The following ZDHHC1 variants were observed in gnomAD, a reference collection of about 807,000 sequenced individuals.
The protein encoded by ZDHHC1 is palmitoyltransferase ZDHHC1.
In ZDHHC1, 45 loss-of-function variants were observed where a neutral mutation model predicts 46.9. The ratio of observed to expected loss-of-function variants is 0.96; its 90% confidence interval spans 0.76 to 1.23. The LOEUF is 1.23. ZDHHC1 is among the 50% of genes most tolerant of loss of function. ZDHHC1 has a pLI of 0.00. For synonymous variants in ZDHHC1, 291 were observed against 286.0 expected (o/e 1.02, Z -0.18); for missense variants, 649 against 670.8 (o/e 0.97, Z 0.36).
In ZDHHC1 at chr16:67,401,267, C is replaced by A; in HGVS notation, c.253-135G>T. The stretch of plus-strand genomic sequence containing the variant: ...CTCTGCCTCTGCCACCTCCTACCTC[C>A]AGTCCCCCAAAGCCTCCTCATCAGA... On this transcript the variant is annotated intron_variant, in intron 3 of 11. Coordinates refer to ENST00000565726, the MANE Select transcript of ZDHHC1 (RefSeq NM_001323627.2). This position sits in a 1 kb window ranked among gnomAD's most constrained non-coding sequence, Gnocchi z 4.6. 8.0e-7 allele frequency: 1 copy of A among 1,254,002 alleles called. No individual in the cohort carries two copies. The highest frequency in any genetic ancestry group is 1.1e-6 in the Non-Finnish European group (1 of 920,514). The allele number at this position is 1,254,002 out of a possible 1,614,324, so 77.7% of individuals were successfully genotyped here.
At chr16:67,397,831 T>C (rs900486176) in intron 8 of ZDHHC1, among the ~76,000 whole-genome samples, 10 of 152,174 alleles carry the variant, frequency 6.6e-5, no homozygotes, top group Admixed American at 2.0e-4. Context: ...ATTAGGGTAA[T>C]GGGTATAAGC....
intron 3 of ZDHHC1, among the ~76,000 whole-genome samples, chr16:67,402,546 TTTG>T (rs769857929): frequency 4.6e-5 from 7 of 152,156 alleles, no homozygotes; most frequent in Non-Finnish European, 8.8e-5. Flanking sequence ...ACTGAGGTCT[TTTG>T]TTGTGACAGG....
intron 1 of ZDHHC1, among the ~76,000 whole-genome samples, chr16:67,413,711 G>C (rs914592289): frequency 1.3e-5 from 2 of 152,084 alleles, no homozygotes; most frequent in African/African-American, 4.8e-5. Context: ...AAGCCGAGGC[G>C]GGCAGATCAC....
intron 1 of ZDHHC1, among the ~76,000 whole-genome samples, chr16:67,408,636 G>A (rs2040703187): frequency 6.6e-6 from 1 of 151,578 alleles, no homozygotes; most frequent in South Asian, 2.1e-4. Context: ...ACAGCGGCGT[G>A]TTGCCATGCC....
rs755757073 is a variant in ZDHHC1, at chr16:67,407,782, T to G, written c.-7A>C. 1.3e-6 allele frequency: 1 copy of G among 780,774 alleles called. No homozygotes were observed. The highest frequency in any genetic ancestry group is 2.4e-6 in the Non-Finnish European group (1 of 418,046). 48.4% of individuals were successfully genotyped at this position (780,774 alleles called of 1,614,324 possible). ...AAAATTGTACCTTGTACATAGTAGA[T>G]CCTCAGTAAATGTTTGCTGACTTGA... On this transcript the variant is annotated 5_prime_UTR_variant, in exon 2 of 12. Transcript: ENST00000565726.
intron 3 of ZDHHC1, among the ~76,000 whole-genome samples, chr16:67,403,984 T>G (rs796157830): frequency 2.0e-4 from 30 of 152,054 alleles, no homozygotes; most frequent in African/African-American, 7.0e-4. Context: ...ATTATCAGAT[T>G]TGGTTTTTGG....
chr16:67,399,964 G>A (rs143505494), intron 4 of ZDHHC1, among the ~76,000 whole-genome samples: 5 of 152,340 alleles, frequency 3.3e-5, no homozygotes, highest in Admixed American at 6.5e-5. Flanking sequence ...AGAGGCAAAA[G>A]AAGTGCAGGC....
intron 3 of ZDHHC1, among the ~76,000 whole-genome samples, chr16:67,402,955 A>G (rs2059237): frequency 0.18 from 28,014 of 152,244 alleles, 6,213 homozygotes; most frequent in African/African-American, 0.53. Context: ...TCAAATAATG[A>G]GTTAATTACA....
At chr16:67,405,203 G>A (rs911081304) in intron 3 of ZDHHC1, among the ~76,000 whole-genome samples, 3 of 152,172 alleles carry the variant, frequency 2.0e-5, no homozygotes, top group South Asian at 2.1e-4. Context: ...AGGGCTTTGC[G>A]GTTTCCTAAA....
In ZDHHC1 at chr16:67,395,204, G is replaced by A; in HGVS notation, c.1087C>T (p.Pro363Ser). Residue 363 changes from proline (P) to serine (S), a missense_variant, in exon 10 of 12, where the codon CCC (proline) becomes TCC (serine). Coordinates refer to ENST00000565726, the MANE Select transcript of ZDHHC1 (RefSeq NM_001323627.2). ...CCTCCTACCTGGGGTCGGATCCGGG[G>A]AGGCAGGGCGAGAGTGTCTGGGGAA... ...PSSPDTLALPPRIRPQKKRKR... is the reference protein window; with the variant it reads ...PSSPDTLALPSRIRPQKKRKR... 12 of 1,611,594 alleles carry A rather than the reference G, an allele frequency of 7.4e-6. No individual in the cohort carries two copies. The highest frequency in any genetic ancestry group is 1.0e-5 in the Non-Finnish European group (12 of 1,179,414).
In ZDHHC1 at chr16:67,406,788, A is replaced by G. The variant is rs2040669827; in HGVS notation, c.10-346T>C. ...CATGTTCTCATCTGGTAACAATATC[A>G]GGCTGGGGCCAGAGTGATGAGAACA... On this transcript the variant is annotated intron_variant, in intron 2 of 11. Coordinates refer to ENST00000565726, the MANE Select transcript of ZDHHC1 (RefSeq NM_001323627.2). This position sits in a 1 kb window ranked among gnomAD's most constrained non-coding sequence, Gnocchi z 4.1. Among the ~76,000 whole-genome samples, 2 of 152,232 alleles carry G rather than the reference A, an allele frequency of 1.3e-5. No individual in the cohort carries two copies. The highest frequency in any genetic ancestry group is 1.5e-5 in the Non-Finnish European group (1 of 68,038).
intron 1 of ZDHHC1, among the ~76,000 whole-genome samples, chr16:67,414,041 T>C (rs922167146): frequency 7.9e-5 from 12 of 152,030 alleles, no homozygotes; most frequent in Non-Finnish European, 1.6e-4. Context: ...TCTGTGCCAT[T>C]CTCCTCCTGA....
At chr16:67,400,005 C>A (rs2142234381) in intron 4 of ZDHHC1, among the ~76,000 whole-genome samples, 1 of 152,318 alleles carries the variant, frequency 6.6e-6, no homozygotes. Flanking sequence ...AGGTGCTCAC[C>A]ACAGGGGCTC....
Position 67,398,877 on chromosome 16 carries a change from CAT to C in ZDHHC1, c.596_597del (p.Tyr199CysfsTer19). The C allele has an allele frequency of 1.9e-6, 3 of 1,613,314 alleles. No homozygotes were observed. The highest frequency in any genetic ancestry group is 2.5e-6 in the Non-Finnish European group (3 of 1,179,660). Reference sequence around the variant, plus strand: ...GGGTTGACAAAGAACTCCACGAAGACATATGTGGCCACCAGCACCAGGAGCAG... The same window carrying C: ...GGGTTGACAAAGAACTCCACGAAGACATGTGGCCACCAGCACCAGGAGCAG... ...GVLLLVLVAT[Y>X]VFVEFFVNPM... is the part of the protein sequence containing the mutation. On this transcript the variant is annotated frameshift_variant, in exon 6 of 12. Coordinates refer to ENST00000565726, the MANE Select transcript of ZDHHC1 (RefSeq NM_001323627.2). LOFTEE classifies it high-confidence loss of function.
chr16:67,397,902 G>A (rs144784749), intron 8 of ZDHHC1, among the ~76,000 whole-genome samples: 34 of 152,292 alleles, frequency 2.2e-4, no homozygotes, highest in African/African-American at 7.2e-4. Context: ...CACTGACCCC[G>A]TCGCTGGTCC....
intron 1 of ZDHHC1, among the ~76,000 whole-genome samples, chr16:67,411,902 C>G (rs1291968982): frequency 6.6e-6 from 1 of 152,126 alleles, no homozygotes; most frequent in Non-Finnish European, 1.5e-5. Context: ...CACTTGAGGT[C>G]AGGAGTTCGT....
At chr16:67,403,865 C>T (rs1236498689) in intron 3 of ZDHHC1, among the ~76,000 whole-genome samples, 1 of 152,180 alleles carries the variant, frequency 6.6e-6, no homozygotes, top group Non-Finnish European at 1.5e-5. Context: ...CCATCCGCGT[C>T]GGTCTCCCAA....
In ZDHHC1 at chr16:67,395,214, G is replaced by A. The variant is rs772901200; in HGVS notation, c.1077C>T (p.Leu359=). The A allele has an allele frequency of 3.7e-6, 6 of 1,610,498 alleles. No homozygotes were observed. Among genetic ancestry groups the A allele is most frequent in the Admixed American group, 1.7e-5 (1 of 59,650 alleles). The change falls in exon 10 of 12, where the codon CTC becomes CTT. Residue 359 remains leucine (L), a synonymous_variant. Coordinates refer to ENST00000565726, the MANE Select transcript of ZDHHC1 (RefSeq NM_001323627.2). ...GGGGTCGGATCCGGGGAGGCAGGGC[G>A]AGAGTGTCTGGGGAAGAGGGTGGTG... The part of the protein sequence containing the change: ...EPPPPSSPDT[L]ALPPRIRPQK...
chr16:67,406,619 C>A lies in ZDHHC1; in HGVS notation c.10-177G>T, dbSNP rs2142251856. On this transcript the variant is annotated intron_variant, in intron 2 of 11. Coordinates refer to ENST00000565726, the MANE Select transcript of ZDHHC1 (RefSeq NM_001323627.2). This position sits in a 1 kb window ranked among gnomAD's most constrained non-coding sequence, Gnocchi z 4.1. ...GCAGTGGGGAGAGGGTGGGAGTGGG[C>A]TGCTGTCTCAAAGCCCAAAGCAAAC... 6.6e-6 allele frequency among the ~76,000 whole-genome samples: 1 copy of A among 152,256 alleles called. No homozygotes were observed. Among genetic ancestry groups the A allele is most frequent in the South Asian group, 2.1e-4 (1 of 4,828 alleles).
Sources: allele counts gnomAD v4.1 joint callset (sites outside exome capture counted in the v4.1 genomes callset), GRCh38; gene constraint gnomAD v4.1.1; non-coding constraint Gnocchi (gnomAD v3.1); transcripts MANE v1.5; gene names NCBI Gene and HGNC (gene_info 2026-07-23, HGNC 2026-07-21).